Variants in GYS2 observed in about 807,000 individuals in gnomAD.
The protein encoded by GYS2 is glycogen [starch] synthase, liver.
GYS2 carries 80 observed loss-of-function variants against 85.6 expected under a neutral mutation model. The ratio of observed to expected loss-of-function variants is 0.93; its 90% CI spans 0.78 to 1.13. The LOEUF is 1.13. Ranked by LOEUF, GYS2 falls within the 50% of genes most tolerant of loss-of-function variation. The pLI is 0.00. For synonymous variants in GYS2, 328 were observed against 300.7 expected, an observed-to-expected ratio of 1.09 and a Z score of -0.94; for missense variants, 881 against 854.9, an observed-to-expected ratio of 1.03 and a Z score of -0.38.
downstream of GYS2, among the ~76,000 whole-genome samples, chr12:21,533,466 C>T (rs1367929594): frequency 6.6e-6 from 1 of 152,148 alleles, no homozygotes; most frequent in African/African-American, 2.4e-5. Context: ...TCTGTTCGGT[C>T]GCTTCATACT....
intron 11 of GYS2, among the ~76,000 whole-genome samples, chr12:21,554,047 A>G (rs918362593): frequency 6.6e-6 from 1 of 151,980 alleles, no homozygotes; most frequent in Non-Finnish European, 1.5e-5. Context: ...TATTTTTTGT[A>G]TATTAGCCAA....
chr12:21,571,880 T>C (rs1944390302), intron 4 of GYS2, among the ~76,000 whole-genome samples: 3 of 151,982 alleles, frequency 2.0e-5, no homozygotes, highest in East Asian at 1.9e-4. Flanking sequence ...GGGAATCGCT[T>C]GAACCCGGGA....
At chr12:21,541,282 A>AC (rs1236316340) in intron 13 of GYS2, among the ~76,000 whole-genome samples, 7 of 132,708 alleles carry the variant, frequency 5.3e-5, no homozygotes, top group African/African-American at 1.5e-4. Flanking sequence ...AAAAAAAAAA[A>AC]AAAAAAAAAC....
At chr12:21,558,831 A>C (rs1025179342) in intron 10 of GYS2, among the ~76,000 whole-genome samples, 1 of 152,160 alleles carries the variant, frequency 6.6e-6, no homozygotes, top group African/African-American at 2.4e-5. Flanking sequence ...AACTATACAT[A>C]ATTTTTATAT....
intron 1 of GYS2, among the ~76,000 whole-genome samples, chr12:21,590,731 A>C (rs1944628953): frequency 6.6e-6 from 1 of 152,192 alleles, no homozygotes; most frequent in Non-Finnish European, 1.5e-5. Flanking sequence ...CATGGGGCCC[A>C]AGGACAGGAA....
chr12:21,557,090 TG>T (rs964331260), intron 11 of GYS2, among the ~76,000 whole-genome samples: 17 of 152,166 alleles, frequency 1.1e-4, no homozygotes, highest in African/African-American at 4.1e-4. Context: ...GGGGCCAGCA[TG>T]GGGGGGACAC....
intron 11 of GYS2, among the ~76,000 whole-genome samples, chr12:21,547,300 A>C (rs1362356487): frequency 6.6e-6 from 1 of 152,216 alleles, no homozygotes; most frequent in Non-Finnish European, 1.5e-5. Context: ...ACCAAATGAC[A>C]AAAGATGTTA....
intron 1 of GYS2, among the ~76,000 whole-genome samples, chr12:21,582,594 GATAGATATAGATATAGATATAGAT>G (rs71053324): frequency 9.4e-5 from 14 of 148,930 alleles, no homozygotes; most frequent in Admixed American, 2.7e-4. Context: ...TAGATATAGA[GATAGATATAGATATAGATATAGAT>G]ATAGATATAG....
intron 1 of GYS2, among the ~76,000 whole-genome samples, chr12:21,603,973 G>T (rs559226468): frequency 2.4e-4 from 37 of 152,122 alleles, no homozygotes; most frequent in African/African-American, 8.9e-4. Context: ...ACAGTATTTT[G>T]CCTTTTGAGA....
intron 14 of GYS2, 47 bp downstream of exon 14, chr12:21,540,363 A>T: frequency 6.9e-7 from 1 of 1,447,658 alleles, no homozygotes; most frequent in Non-Finnish European, 9.7e-7. Context: ...TTTATAGTCC[A>T]GTGGAATTTT....
At chr12:21,544,676 C>A (rs1460150273) in intron 12 of GYS2, among the ~76,000 whole-genome samples, 1 of 152,150 alleles carries the variant, frequency 6.6e-6, no homozygotes, top group Admixed American at 6.5e-5. Context: ...TGGACATTTC[C>A]TAAGTAAGAA....
intron 11 of GYS2, among the ~76,000 whole-genome samples, chr12:21,553,206 C>T (rs796436785): frequency 1.1e-4 from 16 of 152,308 alleles, no homozygotes; most frequent in African/African-American, 3.1e-4. Flanking sequence ...GGAGCCACTG[C>T]GCTTGGCCTA....
rs185479030 is a variant in GYS2, at chr12:21,551,203, T to A, written c.1423-4733A>T. ...AGTCCCCAGAGTGTGATGTTCCCCT[T>A]CCTGTGTCCATATGATCTCATTGTT... On this transcript the variant is annotated intron_variant, in intron 11 of 15. Transcript: ENST00000261195. Among the ~76,000 whole-genome samples, 85 of 129,920 alleles carry A rather than the reference T, an allele frequency of 6.5e-4. No homozygotes were observed. The East Asian group carries it at 0.017, about 25-fold the overall frequency. The allele number at this position is 129,920 out of a possible 152,430, so 85.2% of individuals were successfully genotyped here.
At chr12:21,585,113 GGTGGAA>G (rs962874684) in intron 1 of GYS2, among the ~76,000 whole-genome samples, 2 of 152,058 alleles carry the variant, frequency 1.3e-5, no homozygotes, top group Admixed American at 6.6e-5. Flanking sequence ...GGAATCAAAG[GGTGGAA>G]GTGGAAGTGG....
chr12:21,585,935 T>C (rs1944567574), intron 1 of GYS2, among the ~76,000 whole-genome samples: 1 of 152,224 alleles, frequency 6.6e-6, no homozygotes, highest in African/African-American at 2.4e-5. Context: ...TTATGACTTA[T>C]TGTTGTCTTT....
At position 21,580,495 on chromosome 12, in the gene GYS2, T is replaced by C. The variant is rs139109200; in HGVS notation, c.150A>G (p.Thr50=). The C allele has an allele frequency of 6.2e-6, 10 of 1,613,388 alleles. No homozygotes were observed. Among genetic ancestry groups the C allele is most frequent in the Non-Finnish European group, 8.5e-6 (10 of 1,179,614 alleles). The change falls in exon 2 of 16, where the codon ACA becomes ACG. Residue 50 remains threonine, a synonymous_variant. Transcript: ENST00000261195. ...ATTCATCTGCTGTTGTTTTGGCCTT[T>C]GTCTGAATCACAGTATAGATGCCTC... ...KVGGIYTVIQ[T]KAKTTADEWG...
chr12:21,586,463 C>CTATT (rs1944575815), intron 1 of GYS2, among the ~76,000 whole-genome samples: 1 of 149,088 alleles, frequency 6.7e-6, no homozygotes, highest in Non-Finnish European at 1.5e-5. Context: ...ATCTATCTAT[C>CTATT]TCCTATTAGT....
At chr12:21,589,372 T>C (rs2418001) in intron 1 of GYS2, among the ~76,000 whole-genome samples, 85,972 of 152,052 alleles carry the variant, frequency 0.57, 25,549 homozygotes, top group East Asian at 0.83. Context: ...CATATAGCCT[T>C]AGAGTGTTTA....
chr12:21,576,537 A>G (rs533249780), intron 2 of GYS2, among the ~76,000 whole-genome samples: 52 of 152,150 alleles, frequency 3.4e-4, no homozygotes, highest in Non-Finnish European at 6.0e-4. Flanking sequence ...TGTATGATTT[A>G]TCTTACTATT....
Sources: gnomAD v4.1 joint callset for allele counts (sites outside exome capture counted in the v4.1 genomes callset) on GRCh38, gnomAD v4.1.1 for gene constraint, MANE v1.5 for transcripts, NCBI Gene and HGNC (gene_info 2026-07-23, HGNC 2026-07-21) for gene names.